Variants in SYNE1 observed in about 807,000 individuals in gnomAD.
SYNE1 encodes nesprin-1.
A neutral mutation model predicts 1,111.0 loss-of-function variants in SYNE1; 616 were observed. The observed-to-expected ratio is 0.55, with a 90% CI of 0.52 to 0.59. The LOEUF is 0.59. Among genes scored for constraint, SYNE1 ranks in the 20% least tolerant of loss-of-function variants. SYNE1 has a pLI of 0.00. For missense variants in SYNE1, 10,006 were observed against 10,417.0 expected (o/e 0.96, Z 1.72); for synonymous variants, 3,855 against 3,825.8 (o/e 1.01, Z -0.28).
In SYNE1 at chr6:152,545,114, G is replaced by T. The variant is rs192004949; in HGVS notation, c.68-5093C>A. On this transcript the variant is annotated intron_variant, in intron 3 of 145. Transcript: ENST00000367255. ...TGAAATTAGTATATTTTAATATATT[G>T]AATACATTCTTCCATAATAATTTAT... Among the ~76,000 whole-genome samples, 539 of 152,152 alleles carry T rather than the reference G, an allele frequency of 3.5e-3. 3 individuals are homozygous for T. The highest frequency in any genetic ancestry group is 0.012 in the African/African-American group (493 of 41,502).
intron 99 of SYNE1, among the ~76,000 whole-genome samples, chr6:152,268,904 T>C (rs994998346): frequency 2.0e-5 from 3 of 152,192 alleles, no homozygotes; most frequent in Admixed American, 1.3e-4. Flanking sequence ...GTAAAGAAGA[T>C]GAGAGCCATG....
At chr6:152,208,292 C>A in intron 124 of SYNE1, 86 bp from the exon 125 acceptor site, 1 of 1,221,394 alleles carries the variant, frequency 8.2e-7, no homozygotes, top group South Asian at 1.2e-5. Flanking sequence ...CTGTCAACAA[C>A]CCTAAGCCCT....
intron 6 of SYNE1, among the ~76,000 whole-genome samples, chr6:152,517,020 T>C (rs1254225537): frequency 3.9e-5 from 6 of 152,254 alleles, no homozygotes; most frequent in Non-Finnish European, 7.3e-5. Flanking sequence ...CTGCCTGATA[T>C]TGCATAAGAA....
At chr6:152,234,635 C>A in intron 111 of SYNE1, 33 bp downstream of exon 111, 2 of 1,613,760 alleles carry the variant, frequency 1.2e-6, no homozygotes, top group Non-Finnish European at 8.5e-7. Flanking sequence ...AACTTATAGG[C>A]CTGAATCAAA....
chr6:152,281,966 A>G lies in SYNE1; in HGVS notation c.18222T>C (p.Asp6074=), dbSNP rs1438067478. The stretch of plus-strand genomic sequence containing the variant: ...GTTCCTGCCTTTGTTCCTCCAGCTG[A>G]TCATTCAACTTCTCCTGTTGAATTC... ...KRQLLEEKLN[D]QLEEQRQEQA... Residue 6074 remains aspartate (D), a synonymous_variant, in exon 97 of 146, where the codon GAT becomes GAC. Transcript: ENST00000367255. The G allele has an allele frequency of 6.2e-7, 1 of 1,613,898 alleles. No homozygotes were observed. The highest frequency in any genetic ancestry group is 8.5e-7 in the Non-Finnish European group (1 of 1,180,048).
chr6:152,281,158 T>C (rs2094003227), intron 97 of SYNE1, among the ~76,000 whole-genome samples: 1 of 152,230 alleles, frequency 6.6e-6, no homozygotes, highest in Non-Finnish European at 1.5e-5. Context: ...AGATCATCAT[T>C]GAAGTTTGAT....
At position 152,219,024 on chromosome 6, in the gene SYNE1, G is replaced by A. The variant is rs2079434450; in HGVS notation, c.22023C>T (p.Cys7341=). The change falls in exon 120 of 146, where the codon TGC becomes TGT. Residue 7341 remains cysteine (C), a synonymous_variant. Transcript: ENST00000367255. Reference sequence around the variant, plus strand: ...GTACCTGTAATGAAGTCTGCTGTTTGCAGAGAGCTTGCTCCAGGGCACACA... The same window carrying A: ...GTACCTGTAATGAAGTCTGCTGTTTACAGAGAGCTTGCTCCAGGGCACACA... ...QHLCALEQAL[C]KQQTSLQAGV... The A allele has an allele frequency of 1.2e-6, 2 of 1,613,954 alleles. No homozygotes were observed. The highest frequency in any genetic ancestry group is 3.3e-5 in the Admixed American group (2 of 60,002).
chr6:152,287,721 A>G (rs2094407276), intron 95 of SYNE1, among the ~76,000 whole-genome samples: 1 of 151,960 alleles, frequency 6.6e-6, no homozygotes. Flanking sequence ...TAATTTTTGT[A>G]TTTTTAGTAG....
At chr6:152,458,628 T>C in intron 22 of SYNE1, 129 bp downstream of exon 22, 1 of 952,350 alleles carries the variant, frequency 1.1e-6, no homozygotes, top group Non-Finnish European at 1.6e-6. Flanking sequence ...TGTATTTTTG[T>C]TTTGAGTTAG....
Position 152,458,921 on chromosome 6 carries a change from A to C in SYNE1, c.2404T>G (p.Cys802Gly). 1 of 1,614,048 alleles carries C rather than the reference A, an allele frequency of 6.2e-7. No homozygotes were observed. Among genetic ancestry groups the C allele is most frequent in the Non-Finnish European group, 8.5e-7 (1 of 1,179,962 alleles). Residue 802 changes from cysteine to glycine, a missense_variant, in exon 22 of 146, where the codon TGT becomes GGT. By Grantham distance (159) the Cys-to-Gly change is radical (BLOSUM62 -3). Coordinates refer to ENST00000367255, the MANE Select transcript of SYNE1 (RefSeq NM_182961.4). ...LKEQLTKVKE[C>G]YSPLLYESQQ... ...GACTCATAAAGGAGTGGGGAGTAAC[A>C]TTCTTTGACCTTTAAAAACATAAAG...
rs548548057 is a variant in SYNE1 at position 152,324,811 on chromosome 6, G to A, written c.15657+273C>T. On this transcript the variant is annotated intron_variant, in intron 81 of 145. Transcript: ENST00000367255. ...GGGAGACTCCGTCAAAAAAAAGAAAGAAAGCAAATGGGGCAAAATGGGCTT... is the reference window on the plus strand; with the variant it reads ...GGGAGACTCCGTCAAAAAAAAGAAAAAAAGCAAATGGGGCAAAATGGGCTT... 6.6e-5 allele frequency among the ~76,000 whole-genome samples: 10 copies of A among 152,176 alleles called. No homozygotes were observed. The East Asian group carries it at 1.5e-3, about 23-fold the overall frequency.
Position 152,262,038 on chromosome 6 carries a change from C to T in SYNE1, c.18966G>A (p.Glu6322=). Reference sequence around the variant, plus strand: ...AATGTAAAATATTTGATACCACTTGCTCTTGTTCCTGTTCCAGAACATTCT... The same window carrying T: ...AATGTAAAATATTTGATACCACTTGTTCTTGTTCCTGTTCCAGAACATTCT... The part of the protein sequence containing the change: ...LLQNVLEQEQ[E]QVLYSRPNRL... Residue 6322 remains glutamate, a synonymous_variant, in exon 101 of 146, where the codon GAG becomes GAA. Transcript: ENST00000367255. 1 of 1,612,758 alleles carries T rather than the reference C, an allele frequency of 6.2e-7. No homozygotes were observed. Among genetic ancestry groups the T allele is most frequent in the Non-Finnish European group, 8.5e-7 (1 of 1,179,482 alleles).
Position 152,326,516 on chromosome 6 carries a change from C to T in SYNE1, c.15073G>A (p.Val5025Met), listed in dbSNP as rs748142987. The change falls in exon 79 of 146, where the codon GTG becomes ATG. Residue 5025 changes from valine (V) to methionine (M), a missense_variant. By Grantham distance (21) the Val-to-Met change is conservative (BLOSUM62 1). This residue lies in a region of SYNE1 where 4,955 missense variants were observed against 5,017.2 expected (regional missense o/e 0.99). Transcript: ENST00000367255. ...TTGAGATTTTCCTCTGCGCTCTCCACGTCTAGGCCATTGCCTGCCAGCTGT... is the reference window on the plus strand; with the variant it reads ...TTGAGATTTTCCTCTGCGCTCTCCATGTCTAGGCCATTGCCTGCCAGCTGT... The part of the protein sequence containing the change: ...LLQLAGNGLD[V>M]ESAEENLKSH... 2.5e-5 allele frequency: 41 copies of T among 1,614,194 alleles called. No individual in the cohort carries two copies. Among genetic ancestry groups the T allele is most frequent in the Admixed American group, 8.3e-5 (5 of 60,016 alleles).
rs375377075 is a variant in SYNE1, at chr6:152,628,257, C to T, written c.67+8G>A. 2.9e-5 allele frequency: 46 copies of T among 1,613,890 alleles called. No individual in the cohort carries two copies. Among genetic ancestry groups the T allele is most frequent in the Non-Finnish European group, 3.9e-5 (46 of 1,179,992 alleles). On this transcript the variant is annotated splice_region_variant and intron_variant, in intron 3 of 145. Coordinates refer to ENST00000367255, the MANE Select transcript of SYNE1 (RefSeq NM_182961.4). ...ATTTTTTTAAAACCTGAAATTTCTT[C>T]CCCCTACCTTGCAGCCTCTGCATCA...
intron 127 of SYNE1, among the ~76,000 whole-genome samples, chr6:152,189,861 C>A (rs1292962661): frequency 6.6e-6 from 1 of 152,182 alleles, no homozygotes; most frequent in Admixed American, 6.5e-5. Context: ...GCTAGGGTGG[C>A]TCTGGCAATT....
chr6:152,335,399 A>G (rs2096362022), intron 76 of SYNE1: 1 of 152,232 alleles, frequency 6.6e-6, no homozygotes. Flanking sequence ...TTATTAAGAC[A>G]TTTCTGTATT....
chr6:152,185,353 A>G (rs1376852008), intron 128 of SYNE1: 1 of 152,286 alleles, frequency 6.6e-6, no homozygotes, highest in East Asian at 1.9e-4. Flanking sequence ...ATAGGAACAG[A>G]CTACTTGCTC....
chr6:152,277,830 A>G (rs986902740), intron 98 of SYNE1: 2 of 532,480 alleles, frequency 3.8e-6, no homozygotes, highest in African/African-American at 3.8e-5. Flanking sequence ...TCTCATTGTT[A>G]CTTTCATGTC....
chr6:152,488,520 AT>A lies in SYNE1; in HGVS notation c.940-18del. The A allele has an allele frequency of 7.3e-7, 1 of 1,365,288 alleles. No homozygotes were observed. The highest frequency in any genetic ancestry group is 1.0e-6 in the Non-Finnish European group (1 of 959,252). The allele number at this position is 1,365,288 out of a possible 1,614,324, so 84.6% of individuals were successfully genotyped here. ...GTCTTCTCTCTGGAAATGAGGAGAC[AT>A]TACAATTTTATTAGTATCTGTGCAT... On this transcript the variant is annotated intron_variant, in intron 11 of 145. Coordinates refer to ENST00000367255, the MANE Select transcript of SYNE1 (RefSeq NM_182961.4).
Sources: gnomAD v4.1 joint callset for allele counts (sites outside exome capture counted in the v4.1 genomes callset) on GRCh38, gnomAD v4.1.1 for gene constraint, gnomAD v4.1.1 regional missense constraint, MANE v1.5 for transcripts, NCBI Gene and HGNC (gene_info 2026-07-23, HGNC 2026-07-21) for gene names.